The following ENOX2 variants were observed in gnomAD, a reference collection of about 807,000 sequenced individuals.
ENOX2 encodes ecto-NOX disulfide-thiol exchanger 2.
Under a neutral mutation model 45.0 loss-of-function variants are expected in ENOX2, and 36 were observed. The ratio of observed to expected loss-of-function variants is 0.80; its 90% CI spans 0.61 to 1.06. The LOEUF (loss-of-function observed/expected upper bound fraction) is 1.06. ENOX2 is among the 50% of genes least tolerant of loss of function. ENOX2 has a pLI of 0.00. For missense variants in ENOX2, 423 were observed against 462.5 expected (o/e 0.91, Z 0.78); for synonymous variants, 174 against 152.3 (o/e 1.14, Z -1.05).
intron 13 of ENOX2, among the ~76,000 whole-genome samples, chrX:130,628,552 T>C (rs2035610186): frequency 8.9e-6 from 1 of 112,792 alleles, no homozygotes; most frequent in South Asian, 3.6e-4. Flanking sequence ...TCATGTACTT[T>C]CCTGATTAAC....
chrX:130,807,757 G>A (rs1359650874), intron 2 of ENOX2, among the ~76,000 whole-genome samples: 1 of 111,793 alleles, frequency 8.9e-6, no homozygotes, highest in Non-Finnish European at 1.9e-5. Context: ...ATGCTTCTCT[G>A]GCCTTTTCAA....
At chrX:130,726,630 C>T (rs1024430171) in intron 3 of ENOX2, among the ~76,000 whole-genome samples, 1 of 112,345 alleles carries the variant, frequency 8.9e-6, no homozygotes, top group Non-Finnish European at 1.9e-5. Context: ...CTGCCAGGGG[C>T]ATATCGTGCT....
At chrX:130,814,250 GA>G (rs749963214) in intron 2 of ENOX2, among the ~76,000 whole-genome samples, 1 of 112,399 alleles carries the variant, frequency 8.9e-6, no homozygotes, top group Non-Finnish European at 1.9e-5. Context: ...CCAGTCAGGG[GA>G]TTATAGATAA....
chrX:130,775,794 T>A (rs960886949), intron 3 of ENOX2, among the ~76,000 whole-genome samples: 1 of 111,497 alleles, frequency 9.0e-6, no homozygotes, highest in Non-Finnish European at 1.9e-5. Flanking sequence ...TTTGTGTTTT[T>A]TTTTTCTCAG....
intron 14 of ENOX2, among the ~76,000 whole-genome samples, chrX:130,626,358 T>C (rs2035546480): frequency 8.9e-6 from 1 of 111,975 alleles, no homozygotes; most frequent in Non-Finnish European, 1.9e-5. Flanking sequence ...ACATAGATAA[T>C]GTGTATAGAT....
intron 3 of ENOX2, among the ~76,000 whole-genome samples, chrX:130,749,433 T>C (rs1391340920): frequency 9.0e-6 from 1 of 111,423 alleles, no homozygotes; most frequent in Non-Finnish European, 1.9e-5. Context: ...GGAAGCATGA[T>C]GGGAAATCTG....
intron 3 of ENOX2, among the ~76,000 whole-genome samples, chrX:130,775,160 T>C (rs1280908729): frequency 3.6e-5 from 4 of 111,536 alleles, no homozygotes; most frequent in Non-Finnish European, 5.7e-5. Flanking sequence ...GGCGCGTGGA[T>C]GGCTTGAGCT....
intron 3 of ENOX2, among the ~76,000 whole-genome samples, chrX:130,757,893 CT>C (rs1265812645): frequency 9.0e-6 from 1 of 111,026 alleles, no homozygotes; most frequent in Non-Finnish European, 1.9e-5. Flanking sequence ...ACCACCACCC[CT>C]GGCTAATTTT....
At chrX:130,774,163 C>T (rs924274285) in intron 3 of ENOX2, among the ~76,000 whole-genome samples, 17 of 112,122 alleles carry the variant, frequency 1.5e-4, no homozygotes, top group African/African-American at 4.9e-4. Context: ...CACTGTGTCA[C>T]AGAATACTAC....
chrX:130,807,103 T>C (rs988578183), intron 2 of ENOX2, among the ~76,000 whole-genome samples: 2 of 112,331 alleles, frequency 1.8e-5, no homozygotes, highest in South Asian at 3.7e-4. Context: ...TCCAAAGTAG[T>C]TGATAAGGTC....
chrX:130,866,213 C>T (rs750230030), intron 2 of ENOX2, among the ~76,000 whole-genome samples: 2 of 111,480 alleles, frequency 1.8e-5, no homozygotes, highest in African/African-American at 6.5e-5. Context: ...AAATATCTCT[C>T]ATATCCATTA....
At chrX:130,632,314 C>G (rs1243543939) in intron 12 of ENOX2, among the ~76,000 whole-genome samples, 1 of 89,520 alleles carries the variant, frequency 1.1e-5, no homozygotes, top group Non-Finnish European at 2.1e-5. Context: ...TTAGTAATGG[C>G]CTTCTTTGTT....
intron 3 of ENOX2, among the ~76,000 whole-genome samples, chrX:130,768,919 T>C (rs988926103): frequency 9.0e-6 from 1 of 111,012 alleles, no homozygotes; most frequent in African/African-American, 3.3e-5. Flanking sequence ...AGTGACAGGG[T>C]AGGGTAGAGA....
rs149323529 is a variant in ENOX2 at position 130,843,461 on chromosome X, T to G, written c.-183+58223A>C. On this transcript the variant is annotated intron_variant, in intron 2 of 14. Coordinates refer to ENST00000394363, the MANE Select transcript of ENOX2 (RefSeq NM_006375.4). ...AGACAAATATGATCATGTCACTCAC[T>G]GACCTAAAAACTTTCCGGTGACTTC... 2.4e-4 allele frequency among the ~76,000 whole-genome samples: 27 copies of G among 111,778 alleles called. No individual in the cohort carries two copies. The East Asian group carries it at 7.3e-3, about 30-fold the overall frequency.
At chrX:130,883,783 AC>A (rs1363186916) in intron 2 of ENOX2, among the ~76,000 whole-genome samples, 2 of 111,133 alleles carry the variant, frequency 1.8e-5, no homozygotes, top group African/African-American at 6.6e-5. Context: ...AATCCATCAG[AC>A]GACTCAACTT....
chrX:130,834,555 T>C (rs2077895895), intron 2 of ENOX2, among the ~76,000 whole-genome samples: 1 of 111,255 alleles, frequency 9.0e-6, no homozygotes, highest in Admixed American at 9.6e-5. Context: ...TTTGTCTTTT[T>C]TTTTTTTAAT....
chrX:130,694,744 A>G (rs2037709320), intron 4 of ENOX2, among the ~76,000 whole-genome samples: 1 of 108,665 alleles, frequency 9.2e-6, no homozygotes, highest in African/African-American at 3.4e-5. Flanking sequence ...CTGGGATTAC[A>G]AGCACGCGCC....
At chrX:130,698,927 C>T (rs2037831048) in intron 4 of ENOX2, among the ~76,000 whole-genome samples, 1 of 112,009 alleles carries the variant, frequency 8.9e-6, no homozygotes, top group African/African-American at 3.2e-5. Flanking sequence ...AGGCTCCACA[C>T]TTGGCTGCTA....
At chrX:130,810,461 C>G (rs2077372486) in intron 2 of ENOX2, among the ~76,000 whole-genome samples, 1 of 111,709 alleles carries the variant, frequency 9.0e-6, no homozygotes, top group Non-Finnish European at 1.9e-5. Flanking sequence ...TCCTATTCAT[C>G]AGGCCAACAC....
Sources: gnomAD v4.1 joint callset for allele counts (sites outside exome capture counted in the v4.1 genomes callset) on GRCh38, gnomAD v4.1.1 for gene constraint, MANE v1.5 for transcripts, NCBI Gene and HGNC (gene_info 2026-07-23, HGNC 2026-07-21) for gene names.